ABCB5: variants seen among roughly 807,000 people sequenced by gnomAD.
ABCB5 encodes the protein ATP-binding cassette sub-family B member 5.
In ABCB5, 155 loss-of-function variants were observed where a neutral mutation model predicts 144.2. The ratio of observed to expected loss-of-function variants is 1.08; its 90% CI spans 0.94 to 1.23. ABCB5 has a LOEUF of 1.23. ABCB5 is among the 50% of genes most tolerant of loss of function. The pLI, the probability that ABCB5 is intolerant of heterozygous loss-of-function variation, is 0.00. For synonymous variants in ABCB5, 610 were observed against 528.6 expected (o/e 1.15, Z -2.11); for missense variants, 1,830 against 1,520.8 (o/e 1.20, Z -3.38).
intron 16 of ABCB5, among the ~76,000 whole-genome samples, chr7:20,697,014 G>T (rs145254285): frequency 6.6e-6 from 1 of 152,218 alleles, no homozygotes; most frequent in Non-Finnish European, 1.5e-5. Context: ...TACCAAATAA[G>T]GTAATTTTGT....
At position 20,739,079 on chromosome 7, in the gene ABCB5, G is replaced by C; in HGVS notation, c.2964G>C (p.Leu988=). The change falls in exon 24 of 28, where the codon CTG becomes CTC. Residue 988 remains leucine (L), a synonymous_variant. Coordinates refer to ENST00000404938, the MANE Select transcript of ABCB5 (RefSeq NM_001163941.2). ...AAGCCAAATCGGGGGCTGCGCATCT[G>C]TTTGCCTTGTTGGAAAAGAAACCAA... The part of the protein sequence containing the change: ...YSKAKSGAAH[L]FALLEKKPNI... 2 of 1,611,194 alleles carry C rather than the reference G, an allele frequency of 1.2e-6. No homozygotes were observed. The highest frequency in any genetic ancestry group is 1.3e-5 in the African/African-American group (1 of 74,890).
chr7:20,716,732 A>G (rs969251706), intron 20 of ABCB5, among the ~76,000 whole-genome samples: 12 of 152,238 alleles, frequency 7.9e-5, no homozygotes, highest in Admixed American at 7.2e-4. Context: ...TACAGTAAGG[A>G]AAAGCAACAA....
At chr7:20,743,983 C>T (rs1312357921) in intron 25 of ABCB5, among the ~76,000 whole-genome samples, 2 of 152,182 alleles carry the variant, frequency 1.3e-5, no homozygotes, top group Non-Finnish European at 2.9e-5. Flanking sequence ...CTGCCTCCCA[C>T]TCCAAGCTCC....
At chr7:20,690,770 A>G (rs944900229) in intron 16 of ABCB5, among the ~76,000 whole-genome samples, 4 of 152,218 alleles carry the variant, frequency 2.6e-5, no homozygotes, top group African/African-American at 9.6e-5. Flanking sequence ...TCGGATAGAA[A>G]AAGTCACTAG....
chr7:20,668,676 T>C (rs1377014263), intron 14 of ABCB5, among the ~76,000 whole-genome samples: 1 of 135,356 alleles, frequency 7.4e-6, no homozygotes, highest in Non-Finnish European at 1.5e-5. Context: ...TACTGGGAAG[T>C]GAGGAGCCCC....
At chr7:20,671,958 A>G (rs767203932) in intron 14 of ABCB5, among the ~76,000 whole-genome samples, 1 of 152,212 alleles carries the variant, frequency 6.6e-6, no homozygotes, top group Non-Finnish European at 1.5e-5. Context: ...CTACTCCACA[A>G]CTTGCCCACA....
chr7:20,725,073 T>C (rs116480617), intron 21 of ABCB5, among the ~76,000 whole-genome samples: 2,599 of 152,360 alleles, frequency 0.017, 64 homozygotes, highest in Middle Eastern at 0.051. Context: ...TTGCTGTATA[T>C]GTGCCCTTTG....
At chr7:20,722,434 G>C (rs983567861) in intron 20 of ABCB5, among the ~76,000 whole-genome samples, 2 of 152,176 alleles carry the variant, frequency 1.3e-5, no homozygotes, top group African/African-American at 4.8e-5. Flanking sequence ...TAAGGAGGTA[G>C]TATTTAATTT....
At chr7:20,648,216 A>G (rs1784473194) in intron 11 of ABCB5, 138 bp downstream of exon 11, 1 of 613,684 alleles carries the variant, frequency 1.6e-6, no homozygotes, top group Non-Finnish European at 2.9e-6. Context: ...GAGGAGGTAG[A>G]TAAATAATGG....
In ABCB5 at chr7:20,755,405, C is replaced by A. The variant is rs1361123326; in HGVS notation, c.3577-22C>A. On this transcript the variant is annotated intron_variant, in intron 27 of 27. Coordinates refer to ENST00000404938, the MANE Select transcript of ABCB5 (RefSeq NM_001163941.2). ...CTAACATCTAACTCAAACTGGTGAT[C>A]ACAGGTCTTTCTCTCTTCCAGGTGG... 4 of 1,611,430 alleles carry A rather than the reference C, an allele frequency of 2.5e-6. No homozygotes were observed. In the East Asian group the frequency reaches 6.7e-5, roughly 27 times the overall value.
At chr7:20,619,026 C>A (rs946372359) in intron 1 of ABCB5, among the ~76,000 whole-genome samples, 1 of 151,936 alleles carries the variant, frequency 6.6e-6, no homozygotes, top group Non-Finnish European at 1.5e-5. Context: ...CCACCTACTT[C>A]GGCCTCCCAA....
At chr7:20,718,160 C>T (rs1038981952) in intron 20 of ABCB5, among the ~76,000 whole-genome samples, 38 of 151,982 alleles carry the variant, frequency 2.5e-4, no homozygotes, top group Admixed American at 9.8e-4. Flanking sequence ...CAGCCCGCCT[C>T]GGCCTCCCAA....
chr7:20,707,928 C>T (rs554335657), intron 20 of ABCB5, among the ~76,000 whole-genome samples: 3 of 150,972 alleles, frequency 2.0e-5, no homozygotes, highest in African/African-American at 4.9e-5. Context: ...CTCAGCCTCC[C>T]GAGTAGCTGG....
At position 20,650,148 on chromosome 7, in the gene ABCB5, G is replaced by C. The variant is rs1784537209; in HGVS notation, c.1332+1G>C. On this transcript the variant is annotated splice_donor_variant, in intron 12 of 27. Transcript: ENST00000404938. LOFTEE classifies it high-confidence loss of function. The stretch of plus-strand genomic sequence containing the variant: ...GTTATATGATCCGGATGATGGCTTT[G>C]TAAGTGCAGCTAGCAAAACCATGCA... 3 of 1,613,204 alleles carry C rather than the reference G, an allele frequency of 1.9e-6. No homozygotes were observed. Among genetic ancestry groups the C allele is most frequent in the Admixed American group, 1.7e-5 (1 of 59,954 alleles).
At chr7:20,719,580 T>C (rs986752344) in intron 20 of ABCB5, among the ~76,000 whole-genome samples, 1 of 152,030 alleles carries the variant, frequency 6.6e-6, no homozygotes, top group African/African-American at 2.4e-5. Context: ...CTTCCGTCAG[T>C]GTGGGAAAGG....
intron 1 of ABCB5, among the ~76,000 whole-genome samples, chr7:20,622,510 AATTAATTTGT>A (rs1583373224): frequency 6.6e-6 from 1 of 152,122 alleles, no homozygotes; most frequent in East Asian, 1.9e-4. Flanking sequence ...GGTACTCTTT[AATTAATTTGT>A]AATTCCACTT....
At position 20,626,550 on chromosome 7, in the gene ABCB5, T is replaced by A; in HGVS notation, c.54-7T>A. 6.2e-7 allele frequency: 1 copy of A among 1,603,248 alleles called. No individual in the cohort carries two copies. The highest frequency in any genetic ancestry group is 8.5e-7 in the Non-Finnish European group (1 of 1,174,690). On this transcript the variant is annotated splice_region_variant and splice_polypyrimidine_tract_variant and intron_variant, in intron 2 of 27. Transcript: ENST00000404938. The stretch of plus-strand genomic sequence containing the variant: ...TAACTGCTGCATTTTGAACTTTTAT[T>A]TTCCAGAACTGCAGAAGAACAGCCA...
chr7:20,647,246 C>T (rs1784432011), intron 9 of ABCB5: 2 of 1,099,580 alleles, frequency 1.8e-6, no homozygotes, highest in Non-Finnish European at 2.2e-6. Flanking sequence ...TTTCTGGTCA[C>T]ACATCCCAGC....
chr7:20,679,485 AAGAG>A (rs1562557961), intron 14 of ABCB5, among the ~76,000 whole-genome samples: 1 of 147,524 alleles, frequency 6.8e-6, no homozygotes, highest in Non-Finnish European at 1.5e-5. Context: ...AAAAAAAAAA[AAGAG>A]AGAGAGAGAG....
Sources: gnomAD v4.1 joint callset for allele counts (sites outside exome capture counted in the v4.1 genomes callset) on GRCh38, gnomAD v4.1.1 for gene constraint, MANE v1.5 for transcripts, NCBI Gene and HGNC (gene_info 2026-07-23, HGNC 2026-07-21) for gene names.